Variants in CEP112 observed in about 807,000 individuals in gnomAD.
CEP112 encodes centrosomal protein 112, also known as centrosomal protein of 112 kDa.
A neutral mutation model predicts 153.0 loss-of-function variants in CEP112; 127 were observed. That is an observed-to-expected ratio of 0.83 (90% CI 0.72 to 0.96). The LOEUF (loss-of-function observed/expected upper bound fraction) is 0.96, where lower values mean the gene tolerates loss of function less well. Among genes scored for constraint, CEP112 ranks in the 40% least tolerant of loss-of-function variants. The pLI, the probability that CEP112 is intolerant of heterozygous loss-of-function variation, is 0.00. For missense variants in CEP112, 1,089 were observed against 1,101.2 expected (o/e 0.99, Z 0.16); for synonymous variants, 358 against 374.4 (o/e 0.96, Z 0.51).
chr17:66,089,219 A>G (rs974097327), intron 8 of CEP112, among the ~76,000 whole-genome samples: 1 of 152,216 alleles, frequency 6.6e-6, no homozygotes, highest in Non-Finnish European at 1.5e-5. Context: ...GCCAGTCTAC[A>G]AAGACTATAA....
Position 65,812,735 on chromosome 17 carries a change from AATG to A in CEP112, c.2394+39066_2394+39068del, listed in dbSNP as rs2056052085. On this transcript the variant is annotated intron_variant, in intron 21 of 26. Coordinates refer to ENST00000535342, the MANE Select transcript of CEP112 (RefSeq NM_001199165.4). The stretch of plus-strand genomic sequence containing the variant: ...AAAGCATCCCTAATCTCTCAAAGAC[AATG>A]ATAAGGCAATCTGGCAGCTTGAAAA... Among the ~76,000 whole-genome samples the A allele has an allele frequency of 2.6e-5, 4 of 152,334 alleles. No homozygotes were observed. In the South Asian group the frequency reaches 8.3e-4, roughly 32 times the overall value.
At chr17:65,973,780 G>A (rs1451437755) in intron 17 of CEP112, among the ~76,000 whole-genome samples, 1 of 152,106 alleles carries the variant, frequency 6.6e-6, no homozygotes, top group Non-Finnish European at 1.5e-5. Flanking sequence ...ACAAGAGAAC[G>A]TTTGGGGTGA....
chr17:65,686,559 T>C (rs1450842797), intron 24 of CEP112, among the ~76,000 whole-genome samples: 1 of 152,220 alleles, frequency 6.6e-6, no homozygotes, highest in Non-Finnish European at 1.5e-5. Context: ...TTTAAGAAGC[T>C]TGTCTCTTCT....
At chr17:66,172,354 A>C (rs915560015) in intron 4 of CEP112, among the ~76,000 whole-genome samples, 1 of 152,200 alleles carries the variant, frequency 6.6e-6, no homozygotes. Context: ...GGTCGCCTAA[A>C]CTGCCCTGGG....
rs922364546 is a variant in CEP112 at position 66,001,463 on chromosome 17, A to C, written c.1736+4227T>G. Reference sequence around the variant, plus strand: ...ACTTAATACTAACTGAAAAATAGAAAGCTTGTCCACATTAGTGTCAGGGTT... The same window carrying C: ...ACTTAATACTAACTGAAAAATAGAACGCTTGTCCACATTAGTGTCAGGGTT... On this transcript the variant is annotated intron_variant, in intron 17 of 26. Coordinates refer to ENST00000535342, the MANE Select transcript of CEP112 (RefSeq NM_001199165.4). Among the ~76,000 whole-genome samples, 45 of 152,334 alleles carry C rather than the reference A, an allele frequency of 3.0e-4. 1 individual carries two copies. The highest frequency in any genetic ancestry group is 1.1e-3 in the African/African-American group (44 of 41,584).
chr17:66,152,208 G>T (rs955859690), intron 4 of CEP112, among the ~76,000 whole-genome samples: 1 of 152,280 alleles, frequency 6.6e-6, no homozygotes, highest in Admixed American at 6.5e-5. Context: ...TAGGAATCTG[G>T]AATTTGAGGA....
chr17:65,954,321 C>T (rs1438953269), intron 18 of CEP112, among the ~76,000 whole-genome samples: 1 of 152,180 alleles, frequency 6.6e-6, no homozygotes, highest in Non-Finnish European at 1.5e-5. Context: ...TTCCAAATCA[C>T]CACATCAAGG....
At chr17:65,821,484 T>TTATATATATAATTATATATA (rs1555671461) in intron 21 of CEP112, among the ~76,000 whole-genome samples, 29 of 130,100 alleles carry the variant, frequency 2.2e-4, no homozygotes, top group African/African-American at 7.8e-4. Flanking sequence ...ATTATTAAAC[T>TTATATATATAATTATATATA]TATATATATA....
intron 21 of CEP112, among the ~76,000 whole-genome samples, chr17:65,779,707 T>C (rs1452680747): frequency 6.6e-6 from 1 of 152,204 alleles, no homozygotes; most frequent in Admixed American, 6.5e-5. Context: ...CAGAAGCTAA[T>C]AATTAGGAAC....
intron 16 of CEP112, among the ~76,000 whole-genome samples, chr17:66,020,403 A>G (rs1179180612): frequency 6.6e-6 from 1 of 152,178 alleles, no homozygotes; most frequent in Non-Finnish European, 1.5e-5. Context: ...AATGACAGAA[A>G]CAGATTTCTT....
intron 21 of CEP112, among the ~76,000 whole-genome samples, chr17:65,810,400 T>G (rs2055877967): frequency 6.6e-6 from 1 of 152,070 alleles, no homozygotes; most frequent in South Asian, 2.1e-4. Context: ...TGGGCCAAAG[T>G]ACAAAGAATT....
chr17:66,141,743 A>G (rs1045495125), intron 4 of CEP112, among the ~76,000 whole-genome samples: 20 of 152,126 alleles, frequency 1.3e-4, no homozygotes, highest in Admixed American at 1.3e-3. Context: ...AAAATATTCT[A>G]TTTTATGTAT....
chr17:65,862,521 G>A (rs959466342), intron 20 of CEP112, among the ~76,000 whole-genome samples: 1 of 152,176 alleles, frequency 6.6e-6, no homozygotes, highest in Non-Finnish European at 1.5e-5. Flanking sequence ...CCAGGAGGCG[G>A]AGCTTGCAGT....
intron 17 of CEP112, among the ~76,000 whole-genome samples, chr17:65,965,672 C>T (rs1222925483): frequency 6.6e-6 from 1 of 151,880 alleles, no homozygotes; most frequent in Non-Finnish European, 1.5e-5. Flanking sequence ...TAGGTGCAAG[C>T]CACCACCCCT....
chr17:65,923,149 A>AT (rs202095417), intron 19 of CEP112, among the ~76,000 whole-genome samples: 4 of 152,082 alleles, frequency 2.6e-5, no homozygotes, highest in African/African-American at 4.8e-5. Flanking sequence ...ATATAAAACC[A>AT]TTTTTTTAAA....
At chr17:65,759,160 G>A (rs1057384592) in intron 21 of CEP112, among the ~76,000 whole-genome samples, 1 of 152,134 alleles carries the variant, frequency 6.6e-6, no homozygotes, top group African/African-American at 2.4e-5. Flanking sequence ...GCAATGCCAG[G>A]AAGTTACCCT....
chr17:66,100,360 A>G (rs1484279691), intron 6 of CEP112, among the ~76,000 whole-genome samples: 1 of 150,250 alleles, frequency 6.7e-6, no homozygotes, highest in East Asian at 2.0e-4. Context: ...AGATCACGCC[A>G]CTGCACTCCA....
chr17:65,907,793 A>G (rs2060137467), intron 19 of CEP112, among the ~76,000 whole-genome samples: 1 of 152,240 alleles, frequency 6.6e-6, no homozygotes, highest in African/African-American at 2.4e-5. Context: ...ATAAATGTTA[A>G]AAGAATCATC....
intron 22 of CEP112, among the ~76,000 whole-genome samples, chr17:65,744,221 G>T (rs1212722707): frequency 6.7e-6 from 1 of 149,962 alleles, no homozygotes; most frequent in Non-Finnish European, 1.5e-5. Context: ...CGACTTTATG[G>T]GTTTTTTTGT....
Sources: gnomAD v4.1 joint callset for allele counts (sites outside exome capture counted in the v4.1 genomes callset) on GRCh38, gnomAD v4.1.1 for gene constraint, MANE v1.5 for transcripts, NCBI Gene and HGNC (gene_info 2026-07-23, HGNC 2026-07-21) for gene names.